Variants in TMEM232 observed in about 807,000 individuals in gnomAD.
TMEM232 encodes transmembrane protein 232.
Under a neutral mutation model 78.8 loss-of-function variants are expected in TMEM232, and 80 were observed. The ratio of observed to expected loss-of-function variants is 1.01; its 90% CI spans 0.85 to 1.22. The LOEUF (loss-of-function observed/expected upper bound fraction) is 1.22. Ranked by LOEUF, TMEM232 falls within the 50% of genes most tolerant of loss-of-function variation. The pLI is 0.00. For missense variants in TMEM232, 881 were observed against 742.2 expected, an observed-to-expected ratio of 1.19 and a Z score of -2.17; for synonymous variants, 297 against 254.3, an observed-to-expected ratio of 1.17 and a Z score of -1.60.
chr5:110,387,798 A>G (rs1467640785), exon 5 of TMEM232: 1 of 152,258 alleles, frequency 6.6e-6, no homozygotes. Context: ...ACTGGATTGG[A>G]TTTGCCTGTT....
At chr5:110,642,662 G>C (rs1786910210) in intron 2 of TMEM232, among the ~76,000 whole-genome samples, 1 of 151,994 alleles carries the variant, frequency 6.6e-6, no homozygotes, top group Non-Finnish European at 1.5e-5. Flanking sequence ...GCCTTCTTTA[G>C]ATAAAATCCA....
At chr5:110,456,929 A>C (rs1377598805) in intron 12 of TMEM232, among the ~76,000 whole-genome samples, 1 of 152,150 alleles carries the variant, frequency 6.6e-6, no homozygotes, top group Non-Finnish European at 1.5e-5. Context: ...AAACTTCTAC[A>C]AGGAAATGGA....
chr5:110,411,944 G>C (rs1756013240), intron 2 of TMEM232, among the ~76,000 whole-genome samples: 1 of 152,062 alleles, frequency 6.6e-6, no homozygotes, highest in South Asian at 2.1e-4. Flanking sequence ...TTATGATGAA[G>C]AAACATGATT....
chr5:110,520,207 C>G (rs773920861), intron 12 of TMEM232, among the ~76,000 whole-genome samples: 7 of 151,792 alleles, frequency 4.6e-5, no homozygotes, highest in Admixed American at 6.6e-5. Context: ...ATTAGAGTGA[C>G]AGATACTCTA....
chr5:110,586,010 G>A (rs1295431948), intron 10 of TMEM232, among the ~76,000 whole-genome samples: 1 of 152,112 alleles, frequency 6.6e-6, no homozygotes, highest in African/African-American at 2.4e-5. Context: ...CTGACTTATA[G>A]GTCAACTTGT....
downstream of TMEM232, among the ~76,000 whole-genome samples, chr5:110,415,745 G>A (rs112570294): frequency 2.8e-3 from 432 of 152,062 alleles, 1 homozygote; most frequent in African/African-American, 9.4e-3. Context: ...CTATTTCTTC[G>A]TGTTTTGAAG....
chr5:110,630,696 C>T (rs758651276), intron 5 of TMEM232, among the ~76,000 whole-genome samples: 1 of 152,142 alleles, frequency 6.6e-6, no homozygotes, highest in Admixed American at 6.5e-5. Flanking sequence ...GAATATTAAA[C>T]CCCTTTTCTT....
At chr5:110,629,016 T>C (rs929771327) in intron 5 of TMEM232, 9 of 152,082 alleles carry the variant, frequency 5.9e-5, no homozygotes, top group African/African-American at 2.2e-4. Flanking sequence ...TGTAGACTTA[T>C]GAAGTATGTA....
intron 1 of TMEM232, among the ~76,000 whole-genome samples, chr5:110,687,378 A>C (rs1793548727): frequency 6.6e-6 from 1 of 152,112 alleles, no homozygotes; most frequent in Non-Finnish European, 1.5e-5. Context: ...AATCTGACCC[A>C]AATAAACTCT....
chr5:110,431,167 A>G (rs1476069705), intron 12 of TMEM232, among the ~76,000 whole-genome samples: 1 of 151,568 alleles, frequency 6.6e-6, no homozygotes, highest in East Asian at 1.9e-4. Flanking sequence ...TTTCCCCCCA[A>G]GAATGTTCTA....
intron 12 of TMEM232, among the ~76,000 whole-genome samples, chr5:110,449,835 T>G (rs1760072936): frequency 6.6e-6 from 1 of 152,148 alleles, no homozygotes. Context: ...TTTTTCTCTA[T>G]TTTGGTAAAA....
chr5:110,510,088 C>T (rs1036848498), intron 12 of TMEM232, among the ~76,000 whole-genome samples: 6 of 152,240 alleles, frequency 3.9e-5, no homozygotes, highest in South Asian at 4.1e-4. Flanking sequence ...AGGCCTGTTT[C>T]TCATGTTACT....
intron 12 of TMEM232, among the ~76,000 whole-genome samples, chr5:110,486,482 TTGA>T (rs1329712383): frequency 6.6e-6 from 1 of 152,102 alleles, no homozygotes; most frequent in Admixed American, 6.6e-5. Flanking sequence ...TCATCTTGAG[TTGA>T]TTTTTGTATA....
chr5:110,611,584 A>T, intron 8 of TMEM232, among the ~76,000 whole-genome samples: 1 of 152,118 alleles, frequency 6.6e-6, no homozygotes, highest in East Asian at 1.9e-4. Context: ...CTACCAGCAG[A>T]ATCTTTCAGT....
intron 12 of TMEM232, among the ~76,000 whole-genome samples, chr5:110,470,981 C>T (rs889746839): frequency 2.0e-5 from 3 of 152,168 alleles, no homozygotes; most frequent in South Asian, 4.1e-4. Context: ...TACAGATAGA[C>T]AATTTGGTTA....
chr5:110,616,365 A>G (rs1476789979), intron 8 of TMEM232, among the ~76,000 whole-genome samples: 2 of 152,058 alleles, frequency 1.3e-5, no homozygotes, highest in African/African-American at 4.8e-5. Context: ...AACATCCACA[A>G]GCAGAATTAA....
At chr5:110,562,692 T>G (rs908054255) in intron 11 of TMEM232, among the ~76,000 whole-genome samples, 2 of 152,104 alleles carry the variant, frequency 1.3e-5, no homozygotes, top group African/African-American at 4.8e-5. Flanking sequence ...TACACTTCTT[T>G]GCATCTTGCA....
At chr5:110,551,796 A>G (rs561582219) in intron 11 of TMEM232, among the ~76,000 whole-genome samples, 49 of 152,328 alleles carry the variant, frequency 3.2e-4, no homozygotes, top group African/African-American at 1.1e-3. Context: ...TATTGGGCTG[A>G]CAATTGATTT....
intron 1 of TMEM232, among the ~76,000 whole-genome samples, chr5:110,702,449 A>C (rs1055347238): frequency 2.0e-5 from 3 of 151,558 alleles, no homozygotes; most frequent in Non-Finnish European, 2.9e-5. Flanking sequence ...TATGTATCTC[A>C]CTCTGTAGAA....
Sources: gnomAD v4.1 joint callset for allele counts (sites outside exome capture counted in the v4.1 genomes callset) on GRCh38, gnomAD v4.1.1 for gene constraint, MANE v1.5 for transcripts, NCBI Gene and HGNC (gene_info 2026-07-23, HGNC 2026-07-21) for gene names.